The following PLEKHA5 variants were observed in gnomAD, a reference collection of about 807,000 sequenced individuals.
PLEKHA5 encodes the protein pleckstrin homology domain containing A5.
Under a neutral mutation model 181.9 loss-of-function variants are expected in PLEKHA5, and 55 were observed. The observed-to-expected ratio is 0.30, with a 90% CI of 0.24 to 0.38. The LOEUF is 0.38. Among genes scored for constraint, PLEKHA5 ranks in the 10% least tolerant of loss-of-function variants. The probability of loss-of-function intolerance (pLI) is 1.00; values close to 1 mark genes in which losing one functional copy is unlikely to be tolerated. For missense variants in PLEKHA5, 1,432 were observed against 1,549.5 expected (o/e 0.92, Z 1.27); for synonymous variants, 535 against 529.4 (o/e 1.01, Z -0.15).
chr12:19,351,180 C>G lies in PLEKHA5; in HGVS notation c.3019+2661C>G, dbSNP rs550656900. On this transcript the variant is annotated intron_variant, in intron 25 of 31. Coordinates refer to ENST00000429027, the MANE Select transcript of PLEKHA5 (RefSeq NM_001256470.2). ...CAAACTTCTAGGCTCAAGCAATCTG[C>G]CTGCCTCAGCCTCCCAGAGTGTTGG... Among the ~76,000 whole-genome samples the G allele has an allele frequency of 1.2e-3, 187 of 152,020 alleles. 1 individual carries two copies. Among genetic ancestry groups the G allele is most frequent in the African/African-American group, 4.2e-3 (174 of 41,480 alleles).
chr12:19,213,145 C>T (rs892582421), intron 3 of PLEKHA5, among the ~76,000 whole-genome samples: 1 of 151,942 alleles, frequency 6.6e-6, no homozygotes, highest in East Asian at 1.9e-4. Context: ...GCAGGTGCTG[C>T]GTACAGTGAG....
intron 3 of PLEKHA5, among the ~76,000 whole-genome samples, chr12:19,174,810 A>G (rs1310884626): frequency 4.6e-5 from 7 of 152,196 alleles, no homozygotes; most frequent in Non-Finnish European, 1.0e-4. Flanking sequence ...AGATTTATGT[A>G]TGTAAACATA....
Position 19,346,996 on chromosome 12 carries a change from A to G in PLEKHA5, c.2712A>G (p.Glu904=). 1 of 1,543,328 alleles carries G rather than the reference A, an allele frequency of 6.5e-7. No homozygotes were observed. Among genetic ancestry groups the G allele is most frequent in the Non-Finnish European group, 8.8e-7 (1 of 1,141,476 alleles). ...GGTGACTGTTCTACAATCTTTAGGAAGAGGAAGTAGTCCCACCTCGTCCTC... is the reference window on the plus strand; with the variant it reads ...GGTGACTGTTCTACAATCTTTAGGAGGAGGAAGTAGTCCCACCTCGTCCTC... The part of the protein sequence containing the change: ...PFSTVKYKNE[E]EEVVPPRPPL... The change falls in exon 24 of 32, where the codon GAA becomes GAG. Residue 904 remains glutamate, a splice_region_variant and synonymous_variant. Transcript: ENST00000429027.
intron 11 of PLEKHA5, among the ~76,000 whole-genome samples, chr12:19,279,128 C>A (rs187916437): frequency 2.0e-5 from 3 of 152,056 alleles, no homozygotes; most frequent in Admixed American, 2.0e-4. Flanking sequence ...CTCTCTGGTG[C>A]GATAAGATTA....
At chr12:19,228,298 A>G (rs1218010446) in intron 3 of PLEKHA5, among the ~76,000 whole-genome samples, 3 of 152,186 alleles carry the variant, frequency 2.0e-5, no homozygotes, top group Non-Finnish European at 2.9e-5. Context: ...TTACTAAGCC[A>G]TTGCATTATA....
rs117080747 is a variant in PLEKHA5, at chr12:19,160,522, C to T, written c.227+28072C>T. ...AAAAATGTTAATACCTGTACTCTAC[C>T]ACTGTATATGTAACTATTGACATGT... is the stretch of plus-strand genomic sequence containing the variant. On this transcript the variant is annotated intron_variant, in intron 3 of 31. Transcript: ENST00000429027. 1.5e-3 allele frequency among the ~76,000 whole-genome samples: 229 copies of T among 152,176 alleles called. 5 individuals carry two copies. In the East Asian group the frequency reaches 0.041, roughly 27 times the overall value.
At position 19,302,906 on chromosome 12, in the gene PLEKHA5, A is replaced by ATTTTTTTTTTTTT. The variant is rs34702332; in HGVS notation, c.2037+11230_2037+11242dup. Among the ~76,000 whole-genome samples, 17 of 53,992 alleles carry ATTTTTTTTTTTTT rather than the reference A, an allele frequency of 3.1e-4. 2 individuals carry two copies. The highest frequency in any genetic ancestry group is 1.1e-3 in the Admixed American group (3 of 2,652). 35.4% of individuals were successfully genotyped at this position (53,992 alleles called of 152,430 possible). On this transcript the variant is annotated intron_variant, in intron 15 of 31. Transcript: ENST00000429027. The stretch of plus-strand genomic sequence containing the variant: ...GTTGGACAGCACTGTTCTGTATGAA[A>ATTTTTTTTTTTTT]TTTTTTTTTTTTTTTTTTTTTTTTT...
chr12:19,258,561 C>CTTTTTTT (rs71440398), intron 6 of PLEKHA5, among the ~76,000 whole-genome samples: 74 of 123,804 alleles, frequency 6.0e-4, no homozygotes, highest in East Asian at 7.0e-4. Flanking sequence ...TTTTCTTTTT[C>CTTTTTTT]TTTTTTTTTT....
At chr12:19,137,174 A>G (rs2035905083) in intron 3 of PLEKHA5, among the ~76,000 whole-genome samples, 2 of 152,000 alleles carry the variant, frequency 1.3e-5, no homozygotes, top group Non-Finnish European at 2.9e-5. Flanking sequence ...TTGAGATTAC[A>G]GGTGCCCACC....
intron 3 of PLEKHA5, among the ~76,000 whole-genome samples, chr12:19,214,113 G>A (rs17270134): frequency 0.071 from 10,833 of 152,222 alleles, 405 homozygotes; most frequent in South Asian, 0.11. Context: ...AAGTAGGTTT[G>A]GAGGTAGAAC....
chr12:19,217,549 A>G (rs2058181590), intron 3 of PLEKHA5, among the ~76,000 whole-genome samples: 1 of 152,234 alleles, frequency 6.6e-6, no homozygotes, highest in Non-Finnish European at 1.5e-5. Flanking sequence ...AATGTTCAAC[A>G]GGTATGAATA....
intron 8 of PLEKHA5, among the ~76,000 whole-genome samples, chr12:19,268,714 C>G (rs949799656): frequency 6.6e-6 from 1 of 152,110 alleles, no homozygotes; most frequent in African/African-American, 2.4e-5. Context: ...TGTCTTGAGT[C>G]ATGGCTAGAA....
intron 15 of PLEKHA5, chr12:19,307,005 G>A (rs2084072654): frequency 6.7e-6 from 10 of 1,495,238 alleles, no homozygotes; most frequent in Non-Finnish European, 8.3e-6. Flanking sequence ...CTGCTTTGGG[G>A]GCTCCTACTC....
chr12:19,290,890 C>A, intron 14 of PLEKHA5, 94 bp downstream of exon 14: 2 of 1,110,080 alleles, frequency 1.8e-6, no homozygotes, highest in Non-Finnish European at 2.5e-6. Flanking sequence ...TAGTGTTGAG[C>A]ATGAGCCCAT....
At chr12:19,305,407 A>G (rs2082956867) in intron 15 of PLEKHA5, among the ~76,000 whole-genome samples, 1 of 152,084 alleles carries the variant, frequency 6.6e-6, no homozygotes, top group Non-Finnish European at 1.5e-5. Context: ...CTAAAAATAC[A>G]AAAATTAGCC....
intron 3 of PLEKHA5, among the ~76,000 whole-genome samples, chr12:19,145,017 A>G (rs991018019): frequency 5.3e-5 from 8 of 152,214 alleles, no homozygotes; most frequent in African/African-American, 1.4e-4. Flanking sequence ...GCACAATACA[A>G]TTATTTTACA....
intron 20 of PLEKHA5, among the ~76,000 whole-genome samples, chr12:19,334,832 ATATATATATATATATATAT>A (rs2093237483): frequency 7.9e-5 from 2 of 25,378 alleles, no homozygotes; most frequent in African/African-American, 2.3e-4. Context: ...AAAAAAAAAT[ATATATATATATATATATAT>A]ATATATATAT....
chr12:19,208,290 C>G (rs2056101270), intron 3 of PLEKHA5, among the ~76,000 whole-genome samples: 1 of 151,966 alleles, frequency 6.6e-6, no homozygotes, highest in Admixed American at 6.6e-5. Context: ...CGCCTATAAT[C>G]CCAGCTACTC....
chr12:19,362,006 GA>G (rs543314594), intron 29 of PLEKHA5, among the ~76,000 whole-genome samples: 8 of 147,006 alleles, frequency 5.4e-5, no homozygotes, highest in Non-Finnish European at 9.0e-5. Context: ...CCTCATCTCT[GA>G]AAAAAAAAAT....
Sources: gnomAD v4.1 joint callset for allele counts (sites outside exome capture counted in the v4.1 genomes callset) on GRCh38, gnomAD v4.1.1 for gene constraint, MANE v1.5 for transcripts, NCBI Gene and HGNC (gene_info 2026-07-23, HGNC 2026-07-21) for gene names.